Variants in POLA1 observed in about 807,000 individuals in gnomAD.
The protein encoded by POLA1 is DNA polymerase alpha catalytic subunit.
POLA1 carries 15 observed loss-of-function variants against 124.0 expected under a neutral mutation model. The ratio of observed to expected loss-of-function variants is 0.12; its 90% confidence interval spans 0.08 to 0.19. POLA1 has a LOEUF of 0.19. POLA1 is among the 10% of genes least tolerant of loss of function. The probability of loss-of-function intolerance (pLI) is 1.00; values close to 1 mark genes in which losing one functional copy is unlikely to be tolerated. For synonymous variants in POLA1, 408 were observed against 389.4 expected (o/e 1.05, Z -0.56); for missense variants, 886 against 1,103.4 (o/e 0.80, Z 2.79).
chrX:24,925,154 G>C (rs1035590098), intron 35 of POLA1, among the ~76,000 whole-genome samples: 1 of 112,114 alleles, frequency 8.9e-6, no homozygotes, highest in South Asian at 3.7e-4. Context: ...CAGTTATAGC[G>C]AGTGCTGGAT....
At chrX:24,939,213 A>AT (rs1198607863) in intron 36 of POLA1, among the ~76,000 whole-genome samples, 1 of 112,316 alleles carries the variant, frequency 8.9e-6, no homozygotes, top group Non-Finnish European at 1.9e-5. Flanking sequence ...GCATATTGTC[A>AT]TTTTTTAGTA....
chrX:24,946,824 G>C (rs1379606138), intron 36 of POLA1, among the ~76,000 whole-genome samples: 1 of 111,897 alleles, frequency 8.9e-6, no homozygotes, highest in Admixed American at 9.5e-5. Flanking sequence ...TTCTGTAATA[G>C]AGCACTTTCT....
intron 26 of POLA1, among the ~76,000 whole-genome samples, chrX:24,808,150 A>G (rs2045833443): frequency 9.0e-6 from 1 of 111,660 alleles, no homozygotes; most frequent in South Asian, 3.8e-4. Flanking sequence ...CCTCAGTGAC[A>G]ACCTCATTGC....
intron 26 of POLA1, among the ~76,000 whole-genome samples, chrX:24,758,185 T>A (rs747607771): frequency 2.7e-5 from 3 of 111,534 alleles, no homozygotes; most frequent in Non-Finnish European, 5.6e-5. Flanking sequence ...TAATTTATGC[T>A]TATATATGCT....
Position 24,838,085 on chromosome X carries a change from A to G in POLA1, c.3737-3567A>G, listed in dbSNP as rs11573427. ...TAGAAAGTGCAATGGTAGAAAAATA[A>G]TTTTGTGCTAAATGTCACACTGGGG... On this transcript the variant is annotated intron_variant, in intron 32 of 36. Coordinates refer to ENST00000379068, the MANE Select transcript of POLA1 (RefSeq NM_001330360.2). Among the ~76,000 whole-genome samples the G allele has an allele frequency of 1.6e-4, 18 of 111,717 alleles. No individual in the cohort carries two copies. In the South Asian group the frequency reaches 6.7e-3, roughly 42 times the overall value.
chrX:24,771,284 C>T (rs1423800101), intron 26 of POLA1, among the ~76,000 whole-genome samples: 2 of 111,309 alleles, frequency 1.8e-5, no homozygotes, highest in Non-Finnish European at 1.9e-5. Context: ...GATCACAATA[C>T]GATAGGAATT....
At chrX:24,905,257 A>G (rs1202141191) in intron 35 of POLA1, among the ~76,000 whole-genome samples, 1 of 109,523 alleles carries the variant, frequency 9.1e-6, no homozygotes, top group Non-Finnish European at 1.9e-5. Context: ...CCCAAATTTA[A>G]TGAAGTCAAT....
intron 2 of POLA1, among the ~76,000 whole-genome samples, chrX:24,699,939 T>G (rs1928297717): frequency 9.6e-6 from 1 of 103,853 alleles, no homozygotes; most frequent in African/African-American, 3.5e-5. Context: ...GAACTGTTCT[T>G]CCTAATCTCA....
rs2047760553 is a variant in POLA1, at chrX:24,930,513, T to G, written c.4225T>G (p.Cys1409Gly). The G allele has an allele frequency of 8.4e-7, 1 of 1,188,426 alleles. No homozygotes were observed. The highest frequency in any genetic ancestry group is 1.8e-5 in the African/African-American group (1 of 56,840). Residue 1409 changes from cysteine (C) to glycine (G), a missense_variant, in exon 36 of 37, where the codon TGT becomes GGT. By Grantham distance (159) the Cys-to-Gly change is radical. This residue lies in a region of POLA1 where 313 missense variants were observed against 359.7 expected (regional missense o/e 0.87). Transcript: ENST00000379068. Reference sequence around the variant, plus strand: ...TTACCGGTACATTTTTGATGCGGAGTGTGCACTGGAGAAACTTACTACCGA... The same window carrying G: ...TTACCGGTACATTTTTGATGCGGAGGGTGCACTGGAGAAACTTACTACCGA... ...CFYRYIFDAE[C>G]ALEKLTTDHE... is the part of the protein sequence containing the mutation.
At chrX:24,979,332 T>C (rs2048397858) in intron 36 of POLA1, among the ~76,000 whole-genome samples, 1 of 112,103 alleles carries the variant, frequency 8.9e-6, no homozygotes, top group Admixed American at 9.5e-5. Flanking sequence ...AATTATAACC[T>C]ATTTAGATCC....
intron 35 of POLA1, among the ~76,000 whole-genome samples, chrX:24,909,609 A>G (rs775626662): frequency 1.8e-5 from 2 of 111,144 alleles, no homozygotes; most frequent in Admixed American, 9.5e-5. Flanking sequence ...CTGTTTTGGT[A>G]TCAGTACCAT....
intron 26 of POLA1, among the ~76,000 whole-genome samples, chrX:24,772,617 C>A: frequency 9.0e-6 from 1 of 110,573 alleles, no homozygotes; most frequent in Non-Finnish European, 1.9e-5. Context: ...CATTTAGCTA[C>A]CACTTATAAG....
intron 36 of POLA1, among the ~76,000 whole-genome samples, chrX:24,995,448 C>G (rs1225662332): frequency 8.9e-6 from 1 of 111,914 alleles, no homozygotes; most frequent in African/African-American, 3.3e-5. Context: ...CACGTCCAGA[C>G]TTCGCAAGCA....
intron 35 of POLA1, among the ~76,000 whole-genome samples, chrX:24,896,470 GT>G (rs1374429664): frequency 9.4e-6 from 1 of 106,490 alleles, no homozygotes; most frequent in East Asian, 2.8e-4. Flanking sequence ...TTGGGTTTTT[GT>G]TTTGTTTTGT....
intron 12 of POLA1, among the ~76,000 whole-genome samples, chrX:24,725,723 T>TA (rs1930499886): frequency 8.9e-6 from 1 of 112,149 alleles, no homozygotes; most frequent in African/African-American, 3.2e-5. Context: ...ATTAACATTG[T>TA]AAAAAATTTT....
chrX:24,814,504 G>A (rs894837677), intron 29 of POLA1, among the ~76,000 whole-genome samples: 8 of 111,668 alleles, frequency 7.2e-5, no homozygotes, highest in African/African-American at 2.6e-4. Context: ...TTTATGTAAA[G>A]GACTTCATAT....
intron 35 of POLA1, among the ~76,000 whole-genome samples, chrX:24,930,208 A>C (rs1329331622): frequency 8.9e-6 from 1 of 112,316 alleles, no homozygotes; most frequent in Non-Finnish European, 1.9e-5. Flanking sequence ...AGGGGTAATC[A>C]GTCTGCAGCT....
chrX:24,703,281 G>A lies in POLA1; in HGVS notation c.199G>A (p.Val67Ile). ...GGACTTCACAGGTGTTTATGAAGAA[G>A]TTGATGAAGAACAGTATTCGAAGCT... is the stretch of plus-strand genomic sequence containing the variant. Reference protein sequence around the residue: ...VEDFTGVYEEVDEEQYSKLVQ... With the variant: ...VEDFTGVYEEIDEEQYSKLVQ... The change falls in exon 3 of 37, where the codon GTT (valine) becomes ATT (isoleucine). Residue 67 changes from valine to isoleucine, a missense_variant. This residue lies in a region of POLA1 where 4 missense variants were observed against 16.6 expected (regional missense o/e 0.24). Coordinates refer to ENST00000379068, the MANE Select transcript of POLA1 (RefSeq NM_001330360.2). 1 of 1,204,998 alleles carries A rather than the reference G, an allele frequency of 8.3e-7. No individual in the cohort carries two copies. Among genetic ancestry groups the A allele is most frequent in the Admixed American group, 2.2e-5 (1 of 45,826 alleles).
chrX:24,734,625 CT>C (rs1002933829), intron 17 of POLA1, among the ~76,000 whole-genome samples: 1 of 109,895 alleles, frequency 9.1e-6, no homozygotes, highest in Non-Finnish European at 1.9e-5. Context: ...GTCAAACCGA[CT>C]TTTTTTTTGA....
Sources: allele counts gnomAD v4.1 joint callset (sites outside exome capture counted in the v4.1 genomes callset), GRCh38; gene constraint gnomAD v4.1.1; regional missense constraint gnomAD v4.1.1; transcripts MANE v1.5; gene names NCBI Gene and HGNC (gene_info 2026-07-23, HGNC 2026-07-21).